RAB23: variants seen among roughly 807,000 people sequenced by gnomAD.
RAB23 encodes ras-related protein Rab-23.
RAB23 carries 15 observed loss-of-function variants against 30.0 expected under a neutral mutation model. That is an observed-to-expected ratio of 0.50 (90% CI 0.33 to 0.77). RAB23 has a LOEUF of 0.77. Ranked by LOEUF, RAB23 falls within the 30% of genes least tolerant of loss-of-function variation. RAB23 has a pLI of 0.02. For synonymous variants in RAB23, 93 were observed against 94.0 expected, an observed-to-expected ratio of 0.99 and a Z score of 0.06; for missense variants, 243 against 275.4, an observed-to-expected ratio of 0.88 and a Z score of 0.83.
chr6:57,205,015 T>C (rs1765401772), intron 3 of RAB23, among the ~76,000 whole-genome samples: 1 of 151,414 alleles, frequency 6.6e-6, no homozygotes, highest in Non-Finnish European at 1.5e-5. Flanking sequence ...TTTACATAGA[T>C]ACATACATAT....
chr6:57,191,494 G>A (rs1764839582), intron 6 of RAB23, among the ~76,000 whole-genome samples: 1 of 152,144 alleles, frequency 6.6e-6, no homozygotes, highest in Non-Finnish European at 1.5e-5. Flanking sequence ...TCTGTCGCCA[G>A]GCTGGAGTGC....
intron 1 of RAB23, among the ~76,000 whole-genome samples, chr6:57,210,917 GA>G (rs1765630804): frequency 6.6e-6 from 1 of 152,192 alleles, no homozygotes; most frequent in African/African-American, 2.4e-5. Flanking sequence ...CCAAAAATCT[GA>G]AGTCTGAAAT....
At chr6:57,198,852 A>G (rs1025416220) in intron 3 of RAB23, among the ~76,000 whole-genome samples, 4 of 151,870 alleles carry the variant, frequency 2.6e-5, no homozygotes, top group African/African-American at 4.8e-5. Context: ...TATATGATGG[A>G]AAAAAAACCC....
intron 1 of RAB23, among the ~76,000 whole-genome samples, chr6:57,220,759 C>T (rs555953676): frequency 2.0e-5 from 3 of 151,412 alleles, no homozygotes; most frequent in South Asian, 2.1e-4. Context: ...GGCGGGGGAG[C>T]GATAGATTTG....
At position 57,191,650 on chromosome 6, in the gene RAB23, G is replaced by A. The variant is rs1232053347; in HGVS notation, c.575-1050C>T. Among the ~76,000 whole-genome samples, 6 of 151,884 alleles carry A rather than the reference G, an allele frequency of 4.0e-5. No homozygotes were observed. The South Asian group carries it at 6.2e-4, about 16-fold the overall frequency. ...ATTTTAGTAGAGACGGGCTTTCACC[G>A]TGTTACCCAGGCTGGTCTCAAAGTC... On this transcript the variant is annotated intron_variant, in intron 6 of 6. Coordinates refer to ENST00000468148, the MANE Select transcript of RAB23 (RefSeq NM_016277.5).
chr6:57,199,221 A>G (rs1765142900), intron 3 of RAB23, among the ~76,000 whole-genome samples: 1 of 152,096 alleles, frequency 6.6e-6, no homozygotes, highest in South Asian at 2.1e-4. Context: ...GTTCTGATGC[A>G]TCCCCCAAGG....
In RAB23 at chr6:57,193,864, C is replaced by CGTTA; in HGVS notation, c.548_551dup (p.His185AsnfsTer5). ...TACCAATCTTGTTACTACTTGAATG[C>CGTTA]GTTAGTTCTGGATCCTCAGCTATTT... On this transcript the variant is annotated frameshift_variant, in exon 6 of 7. Coordinates refer to ENST00000468148, the MANE Select transcript of RAB23 (RefSeq NM_016277.5). LOFTEE classifies it high-confidence loss of function. 1 of 1,612,750 alleles carries CGTTA rather than the reference C, an allele frequency of 6.2e-7. No homozygotes were observed. Among genetic ancestry groups the CGTTA allele is most frequent in the Admixed American group, 1.7e-5 (1 of 59,970 alleles).
intron 1 of RAB23, among the ~76,000 whole-genome samples, chr6:57,215,983 T>C (rs938637442): frequency 6.6e-6 from 1 of 152,216 alleles, no homozygotes; most frequent in African/African-American, 2.4e-5. Flanking sequence ...ATGCACCACA[T>C]AACAACATTT....
At chr6:57,211,961 T>C (rs577627303) in intron 1 of RAB23, among the ~76,000 whole-genome samples, 95 of 152,308 alleles carry the variant, frequency 6.2e-4, no homozygotes, top group Non-Finnish European at 1.0e-3. Flanking sequence ...GTCTCAGCAA[T>C]TGTCTCTGGT....
intron 3 of RAB23, among the ~76,000 whole-genome samples, chr6:57,204,548 T>C (rs564559826): frequency 1.3e-5 from 2 of 152,204 alleles, no homozygotes; most frequent in Non-Finnish European, 2.9e-5. Flanking sequence ...ATATCATCTG[T>C]TGTTTGGGAC....
intron 3 of RAB23, among the ~76,000 whole-genome samples, chr6:57,207,406 A>C (rs1158018594): frequency 6.6e-6 from 1 of 152,234 alleles, no homozygotes; most frequent in African/African-American, 2.4e-5. Context: ...CATGAGTCAT[A>C]TAATTCTAAG....
At chr6:57,195,110 AC>A (rs1214690759) in intron 4 of RAB23, among the ~76,000 whole-genome samples, 1 of 152,186 alleles carries the variant, frequency 6.6e-6, no homozygotes, top group Non-Finnish European at 1.5e-5. Context: ...AGAAATAAAC[AC>A]CAACTGTTAT....
chr6:57,195,667 A>G (rs1764994960), intron 4 of RAB23, among the ~76,000 whole-genome samples: 1 of 152,190 alleles, frequency 6.6e-6, no homozygotes, highest in Admixed American at 6.5e-5. Flanking sequence ...CCCATCTGAC[A>G]AGGAACTAAG....
intron 1 of RAB23, among the ~76,000 whole-genome samples, chr6:57,216,830 T>C (rs1014761577): frequency 1.3e-5 from 2 of 152,162 alleles, no homozygotes; most frequent in Non-Finnish European, 2.9e-5. Flanking sequence ...CTTCCAGACG[T>C]TGCCGCGGCA....
intron 1 of RAB23, among the ~76,000 whole-genome samples, chr6:57,218,387 G>A (rs1330630670): frequency 2.0e-5 from 3 of 152,154 alleles, no homozygotes; most frequent in South Asian, 4.1e-4. Flanking sequence ...GGGAATGCAA[G>A]GCTAGTTAAA....
At position 57,187,779 on chromosome 6, in the gene RAB23, C is replaced by CCAA. The variant is rs1246889219; in HGVS notation, c.*2679_*2681dup. Reference sequence around the variant, plus strand: ...AGAGTTCCTTCTGAGCACTGCACTGCCAACTTCTAAAGCAACCACCTAGAA... The same window carrying CCAA: ...AGAGTTCCTTCTGAGCACTGCACTGCCAACAACTTCTAAAGCAACCACCTAGAA... On this transcript the variant is annotated 3_prime_UTR_variant, in exon 7 of 7. Coordinates refer to ENST00000468148, the MANE Select transcript of RAB23 (RefSeq NM_016277.5). 2 of 151,700 alleles carry CCAA rather than the reference C, an allele frequency of 1.3e-5. No homozygotes were observed. Among genetic ancestry groups the CCAA allele is most frequent in the Non-Finnish European group, 2.9e-5 (2 of 67,928 alleles). The allele number at this position is 151,700 out of a possible 1,614,324, so 9.4% of individuals were successfully genotyped here.
intron 3 of RAB23, among the ~76,000 whole-genome samples, chr6:57,202,021 GA>G (rs1315229428): frequency 1.3e-5 from 2 of 152,166 alleles, no homozygotes; most frequent in African/African-American, 4.8e-5. Context: ...CAATGGCTTT[GA>G]TATAATGGGT....
At chr6:57,195,871 G>A (rs1270078624) in intron 4 of RAB23, among the ~76,000 whole-genome samples, 1 of 151,980 alleles carries the variant, frequency 6.6e-6, no homozygotes, top group Admixed American at 6.6e-5. Context: ...CTAAGTTTTG[G>A]GCTAATTTGT....
At position 57,210,354 on chromosome 6, in the gene RAB23, G is replaced by A. The variant is rs1011685405; in HGVS notation, c.27C>T (p.Ala9=). ...CATTCCCTACAACCACCATCTTTAT[G>A]GCGACTTCCATATCTTCCTCCAACA... The part of the protein sequence containing the change: MLEEDMEV[A]IKMVVVGNGA... Residue 9 remains alanine (A), a synonymous_variant, in exon 2 of 7, where the codon GCC becomes GCT. Transcript: ENST00000468148. 1 of 1,613,886 alleles carries A rather than the reference G, an allele frequency of 6.2e-7. No homozygotes were observed. Among genetic ancestry groups the A allele is most frequent in the East Asian group, 2.2e-5 (1 of 44,884 alleles).
Sources: gnomAD v4.1 joint callset for allele counts (sites outside exome capture counted in the v4.1 genomes callset) on GRCh38, gnomAD v4.1.1 for gene constraint, MANE v1.5 for transcripts, NCBI Gene and HGNC (gene_info 2026-07-23, HGNC 2026-07-21) for gene names.